Variants in L3MBTL2 observed in about 807,000 individuals in gnomAD.
The protein encoded by L3MBTL2 is L3MBTL histone methyl-lysine binding protein 2.
A neutral mutation model predicts 86.4 loss-of-function variants in L3MBTL2; 49 were observed. The observed-to-expected ratio is 0.57, with a 90% CI of 0.45 to 0.72. The LOEUF (loss-of-function observed/expected upper bound fraction) is 0.72, where lower values mean the gene tolerates loss of function less well. L3MBTL2 is among the 30% of genes least tolerant of loss of function. The probability of loss-of-function intolerance (pLI) is 0.00; values close to 1 mark genes in which losing one functional copy is unlikely to be tolerated. For synonymous variants in L3MBTL2, 336 were observed against 350.6 expected (o/e 0.96, Z 0.47); for missense variants, 755 against 923.7 (o/e 0.82, Z 2.37).
At position 41,226,759 on chromosome 22, in the gene L3MBTL2, G is replaced by A. The variant is rs757151142; in HGVS notation, c.1587+15G>A. 3.8e-6 allele frequency: 6 copies of A among 1,598,108 alleles called. No individual in the cohort carries two copies. In the African/African-American group the frequency reaches 5.4e-5, roughly 14 times the overall value. ...TCTTTAACATGGTGAGGAGACTGAA[G>A]TGGAGCAAGGGGCCTGCGGTGGCCT... is the stretch of plus-strand genomic sequence containing the variant. On this transcript the variant is annotated intron_variant, in intron 13 of 16. Transcript: ENST00000216237.
chr22:41,215,927 C>G (rs1382392350), intron 3 of L3MBTL2, among the ~76,000 whole-genome samples: 1 of 152,200 alleles, frequency 6.6e-6, no homozygotes, highest in Non-Finnish European at 1.5e-5. Flanking sequence ...CTCTGCAGCA[C>G]TGCCTAGCAC....
chr22:41,209,636 C>T (rs1243616150), intron 1 of L3MBTL2, 60 bp from the exon 2 acceptor site: 1 of 1,477,726 alleles, frequency 6.8e-7, no homozygotes, highest in Non-Finnish European at 9.4e-7. Context: ...GCAGCTTCTC[C>T]CCCCGTGCAC....
In L3MBTL2 at chr22:41,205,417, A is replaced by T; in HGVS notation, c.24+31A>T. ...AAGGCGAGGACTTAGCGTGACTGGGAAAGGGAACTCCGAGAGCCTCGCTCC... is the reference window on the plus strand; with the variant it reads ...AAGGCGAGGACTTAGCGTGACTGGGTAAGGGAACTCCGAGAGCCTCGCTCC... On this transcript the variant is annotated intron_variant, in intron 1 of 16. Coordinates refer to ENST00000216237, the MANE Select transcript of L3MBTL2 (RefSeq NM_031488.5). 3 of 1,613,726 alleles carry T rather than the reference A, an allele frequency of 1.9e-6. No individual in the cohort carries two copies. In the South Asian group the frequency reaches 3.3e-5, roughly 18 times the overall value.
chr22:41,218,255 A>T (rs139466), intron 5 of L3MBTL2: 4 of 152,068 alleles, frequency 2.6e-5, no homozygotes, highest in African/African-American at 9.7e-5. Context: ...GCTTACCCCT[A>T]TAATCCCAGC....
In L3MBTL2 at chr22:41,227,407, G is replaced by A. The variant is rs552833464; in HGVS notation, c.1822+84G>A. 5.5e-5 allele frequency: 76 copies of A among 1,372,508 alleles called. No individual in the cohort carries two copies. The highest frequency in any genetic ancestry group is 4.0e-4 in the African/African-American group (28 of 69,566). 85.0% of individuals were successfully genotyped at this position (1,372,508 alleles called of 1,614,324 possible). ...TTCCCCCGCCCCTGTGCCCATCTCCGTTCTTTGGCATGAGGTGGAGATGTC... is the reference window on the plus strand; with the variant it reads ...TTCCCCCGCCCCTGTGCCCATCTCCATTCTTTGGCATGAGGTGGAGATGTC... On this transcript the variant is annotated intron_variant, in intron 14 of 16. Coordinates refer to ENST00000216237, the MANE Select transcript of L3MBTL2 (RefSeq NM_031488.5). This position sits in a 1 kb window ranked among gnomAD's most constrained non-coding sequence, Gnocchi z 6.0.
At chr22:41,228,055 G>A in intron 15 of L3MBTL2, 186 bp downstream of exon 15, 1 of 985,394 alleles carries the variant, frequency 1.0e-6, no homozygotes, top group Non-Finnish European at 1.2e-6. Context: ...CTTTCACCCT[G>A]TCTCTGGGGA....
Position 41,227,998 on chromosome 22 carries a change from T to C in L3MBTL2, c.1888+129T>C. The C allele has an allele frequency of 6.9e-7, 1 of 1,443,920 alleles. No individual in the cohort carries two copies. The highest frequency in any genetic ancestry group is 1.4e-5 in the African/African-American group (1 of 69,618). 89.4% of individuals were successfully genotyped at this position (1,443,920 alleles called of 1,614,324 possible). The stretch of plus-strand genomic sequence containing the variant: ...TGCTGTCCTACTGACGTAGCTCTCT[T>C]CGTGTTCCTGTCCTGTCTCTTTCCC... On this transcript the variant is annotated intron_variant, in intron 15 of 16. Transcript: ENST00000216237. The surrounding 1 kb of genome is among the most constrained non-coding windows in gnomAD (Gnocchi z 6.0).
At chr22:41,211,709 A>G (rs1371479066) in intron 2 of L3MBTL2, among the ~76,000 whole-genome samples, 16 of 135,586 alleles carry the variant, frequency 1.2e-4, no homozygotes, top group South Asian at 2.4e-4. Flanking sequence ...GGCGCCTGCC[A>G]CCACACCCGG....
In L3MBTL2 at chr22:41,227,749, G is replaced by T; in HGVS notation, c.1823-55G>T. On this transcript the variant is annotated intron_variant, in intron 14 of 16. Transcript: ENST00000216237. The surrounding 1 kb of genome is among the most constrained non-coding windows in gnomAD (Gnocchi z 6.0). ...GGGTCTCGGGATGCGCCTGTGCCCT[G>T]TGTCCTCCCAGGGACCCTCTTCTCA... is the stretch of plus-strand genomic sequence containing the variant. The T allele has an allele frequency of 1.2e-6, 2 of 1,612,396 alleles. No homozygotes were observed. The highest frequency in any genetic ancestry group is 2.2e-5 in the South Asian group (2 of 90,756).
In L3MBTL2 at chr22:41,224,907, C is replaced by T. The variant is rs2032076419; in HGVS notation, c.1252-60C>T. On this transcript the variant is annotated intron_variant, in intron 10 of 16. Coordinates refer to ENST00000216237, the MANE Select transcript of L3MBTL2 (RefSeq NM_031488.5). This position sits in a 1 kb window ranked among gnomAD's most constrained non-coding sequence, Gnocchi z 4.9. ...CCATCCCTTTCCCTCCTGAGGCCTG[C>T]TTCCCTCACCCTTCCTCCTGGCCTG... 6.4e-7 allele frequency: 1 copy of T among 1,564,250 alleles called. No homozygotes were observed. The highest frequency in any genetic ancestry group is 1.4e-5 in the African/African-American group (1 of 73,898).
intron 12 of L3MBTL2, 82 bp from the exon 13 acceptor site, chr22:41,226,580 C>A: frequency 1.0e-6 from 1 of 980,226 alleles, no homozygotes; most frequent in Non-Finnish European, 1.6e-6. Context: ...AGCTGCAGAG[C>A]TTCTTCAGCC....
In L3MBTL2 at chr22:41,225,695, G is replaced by C; in HGVS notation, c.1357-99G>C. The stretch of plus-strand genomic sequence containing the variant: ...GGAGGGCCATGCCCTAGATCCGTTT[G>C]GATCCATTTGCCTCGTGTCCCTATT... On this transcript the variant is annotated intron_variant, in intron 11 of 16. Coordinates refer to ENST00000216237, the MANE Select transcript of L3MBTL2 (RefSeq NM_031488.5). This position sits in a 1 kb window ranked among gnomAD's most constrained non-coding sequence, Gnocchi z 4.1. 1 of 1,307,848 alleles carries C rather than the reference G, an allele frequency of 7.6e-7. No homozygotes were observed. Among genetic ancestry groups the C allele is most frequent in the South Asian group, 1.4e-5 (1 of 69,878 alleles). The allele number at this position is 1,307,848 out of a possible 1,614,324, so 81.0% of individuals were successfully genotyped here. A position where few individuals can be genotyped will look rare whatever the true frequency, so the allele number is the denominator to read the frequency against.
intron 6 of L3MBTL2, among the ~76,000 whole-genome samples, 198 bp downstream of exon 6, chr22:41,219,734 GTTTGTT>G (rs1319766698): frequency 6.6e-6 from 1 of 152,062 alleles, no homozygotes; most frequent in Non-Finnish European, 1.5e-5. Context: ...AAATTTTTTT[GTTTGTT>G]TTTGTTATTT....
chr22:41,220,155 C>T (rs927219399), intron 6 of L3MBTL2, among the ~76,000 whole-genome samples: 3 of 151,884 alleles, frequency 2.0e-5, no homozygotes, highest in Admixed American at 1.3e-4. Flanking sequence ...CGAGACCAGA[C>T]GGGGCAATAT....
Position 41,230,532 on chromosome 22 carries a change from C to CGCTA in L3MBTL2, c.*285_*288dup, listed in dbSNP as rs754499198. ...CCAGCCAGAGTTCCCAAAGCTGGAA[C>CGCTA]GCTAGCTGCCTGCTCTTCCTTAAGA... On this transcript the variant is annotated 3_prime_UTR_variant, in exon 17 of 17. Transcript: ENST00000216237. 37 of 433,526 alleles carry CGCTA rather than the reference C, an allele frequency of 8.5e-5. 1 individual carries two copies. The highest frequency in any genetic ancestry group is 6.8e-4 in the East Asian group (15 of 22,092). The allele number at this position is 433,526 out of a possible 1,614,324, so 26.9% of individuals were successfully genotyped here.
At chr22:41,216,060 G>A in intron 3 of L3MBTL2, 79 bp from the exon 4 acceptor site, 1 of 1,489,316 alleles carries the variant, frequency 6.7e-7, no homozygotes, top group Non-Finnish European at 9.1e-7. Flanking sequence ...CCCAAGCCCA[G>A]GACTTCAACT....
At chr22:41,226,582 T>C in intron 12 of L3MBTL2, 80 bp from the exon 13 acceptor site, 1 of 1,001,022 alleles carries the variant, frequency 1.0e-6, no homozygotes, top group Non-Finnish European at 1.6e-6. Flanking sequence ...CTGCAGAGCT[T>C]CTTCAGCCAT....
chr22:41,209,681 G>A lies in L3MBTL2; in HGVS notation c.25-15G>A, dbSNP rs780304844. ...TCATAATTCTTTCTACCTGGTTTGT[G>A]TCATCCTCCATTAGGAGACCCCATC... is the stretch of plus-strand genomic sequence containing the variant. On this transcript the variant is annotated splice_polypyrimidine_tract_variant and intron_variant, in intron 1 of 16. Coordinates refer to ENST00000216237, the MANE Select transcript of L3MBTL2 (RefSeq NM_031488.5). 14 of 1,610,332 alleles carry A rather than the reference G, an allele frequency of 8.7e-6. No individual in the cohort carries two copies. The African/African-American group carries it at 1.6e-4, about 18-fold the overall frequency.
intron 4 of L3MBTL2, 162 bp from the exon 5 acceptor site, chr22:41,216,961 T>G (rs85220): frequency 0.38 from 221,417 of 583,208 alleles, 44,031 homozygotes; most frequent in African/African-American, 0.56. Context: ...CACTGGTGGA[T>G]CAGGTATGGG....
Sources: gnomAD v4.1 joint callset for allele counts (sites outside exome capture counted in the v4.1 genomes callset) on GRCh38, gnomAD v4.1.1 for gene constraint, Gnocchi (gnomAD v3.1) non-coding constraint, MANE v1.5 for transcripts, NCBI Gene and HGNC (gene_info 2026-07-23, HGNC 2026-07-21) for gene names.